Variants in FAM135B observed in about 807,000 individuals in gnomAD.
FAM135B encodes protein FAM135B.
In FAM135B, 43 loss-of-function variants were observed where a neutral mutation model predicts 127.7. The observed-to-expected ratio is 0.34, with a 90% CI of 0.26 to 0.43. FAM135B has a LOEUF of 0.43. FAM135B is among the 20% of genes least tolerant of loss of function. The pLI is 1.00. For missense variants in FAM135B, 1,558 were observed against 1,725.6 expected (o/e 0.90, Z 1.72); for synonymous variants, 670 against 665.1 (o/e 1.01, Z -0.11).
chr8:138,360,671 A>C (rs1830363002), intron 2 of FAM135B, among the ~76,000 whole-genome samples: 1 of 152,212 alleles, frequency 6.6e-6, no homozygotes, highest in African/African-American at 2.4e-5. Flanking sequence ...TTACCTCGGG[A>C]ACTTTAGCAA....
intron 5 of FAM135B, among the ~76,000 whole-genome samples, chr8:138,255,283 G>A (rs982499852): frequency 5.9e-5 from 9 of 152,188 alleles, no homozygotes; most frequent in Admixed American, 4.6e-4. Context: ...AGGAAAAGGG[G>A]AAACATTTGT....
At chr8:138,147,957 C>T (rs1224909391) in intron 14 of FAM135B, among the ~76,000 whole-genome samples, 1 of 152,032 alleles carries the variant, frequency 6.6e-6, no homozygotes, top group Non-Finnish European at 1.5e-5. Context: ...TAGCAAAGTC[C>T]CTGGTATACA....
intron 3 of FAM135B, among the ~76,000 whole-genome samples, chr8:138,283,255 T>C (rs959575755): frequency 6.6e-6 from 1 of 152,020 alleles, no homozygotes; most frequent in Non-Finnish European, 1.5e-5. Context: ...GGTACGTCCA[T>C]ACAATGGAAT....
At chr8:138,443,200 T>A (rs1192317302) in intron 1 of FAM135B, among the ~76,000 whole-genome samples, 2 of 152,142 alleles carry the variant, frequency 1.3e-5, no homozygotes, top group East Asian at 3.9e-4. Flanking sequence ...TAAAGCAGAT[T>A]TTATCAATCC....
chr8:138,368,377 C>G (rs974635452), intron 1 of FAM135B, among the ~76,000 whole-genome samples: 2 of 152,160 alleles, frequency 1.3e-5, no homozygotes, highest in African/African-American at 4.8e-5. Flanking sequence ...TGACCTTGAG[C>G]AAGTCACTTA....
intron 2 of FAM135B, among the ~76,000 whole-genome samples, chr8:138,335,847 T>C (rs1305971670): frequency 5.3e-5 from 8 of 152,172 alleles, no homozygotes; most frequent in African/African-American, 1.4e-4. Flanking sequence ...ATTGACCACA[T>C]AGTTGGAAGT....
rs1221428489 is a variant in FAM135B, at chr8:138,483,597, CAAT to C, written c.-20+13071_-20+13073del. Among the ~76,000 whole-genome samples the C allele has an allele frequency of 2.6e-5, 4 of 152,240 alleles. No individual in the cohort carries two copies. In the East Asian group the frequency reaches 7.7e-4, roughly 29 times the overall value. On this transcript the variant is annotated intron_variant, in intron 1 of 19. Transcript: ENST00000395297. ...GAGAGAGGGAGAGAGACAGGAGAGG[CAAT>C]AATATCATATTGTGCTAAAATTATA...
chr8:138,144,093 T>C (rs187247384), intron 15 of FAM135B, among the ~76,000 whole-genome samples: 150 of 152,296 alleles, frequency 9.8e-4, no homozygotes, highest in African/African-American at 3.4e-3. Flanking sequence ...TACAGGGGGA[T>C]AGTGTCACCA....
chr8:138,423,967 G>C (rs751294979), intron 1 of FAM135B, among the ~76,000 whole-genome samples: 44 of 152,286 alleles, frequency 2.9e-4, no homozygotes, highest in Non-Finnish European at 5.6e-4. Flanking sequence ...TGAAAGAAGA[G>C]AAATATGGCT....
intron 1 of FAM135B, among the ~76,000 whole-genome samples, chr8:138,412,705 G>A (rs1833931480): frequency 6.6e-6 from 1 of 152,196 alleles, no homozygotes; most frequent in Non-Finnish European, 1.5e-5. Context: ...TGGAACAATG[G>A]ATAATACATG....
At chr8:138,339,358 AATATATATATAT>A (rs143774221) in intron 2 of FAM135B, among the ~76,000 whole-genome samples, 6 of 147,712 alleles carry the variant, frequency 4.1e-5, no homozygotes, top group Admixed American at 4.0e-4. Flanking sequence ...AAACTAACTA[AATATATATATAT>A]ATATATATAT....
intron 2 of FAM135B, among the ~76,000 whole-genome samples, chr8:138,323,384 T>A (rs1587090221): frequency 6.6e-6 from 1 of 152,146 alleles, no homozygotes; most frequent in Non-Finnish European, 1.5e-5. Flanking sequence ...CATGACCCCC[T>A]CTTGGCTAAT....
chr8:138,353,906 C>A (rs1829928938), intron 2 of FAM135B, among the ~76,000 whole-genome samples: 2 of 152,118 alleles, frequency 1.3e-5, no homozygotes, highest in Non-Finnish European at 2.9e-5. Context: ...GCCTTTAGAC[C>A]TATAAACTCA....
In FAM135B at chr8:138,254,362, G is replaced by T. The variant is rs369840243; in HGVS notation, c.368+2327C>A. ...TGACTTATCACATGGAGGGCAGGTT[G>T]GAGGCTGATTTCTAGGCTGAGCTTG... On this transcript the variant is annotated intron_variant, in intron 5 of 19. Coordinates refer to ENST00000395297, the MANE Select transcript of FAM135B (RefSeq NM_015912.4). Among the ~76,000 whole-genome samples the T allele has an allele frequency of 5.9e-5, 9 of 152,302 alleles. No homozygotes were observed. The East Asian group carries it at 7.7e-4, about 13-fold the overall frequency.
intron 12 of FAM135B, 31 bp from the exon 13 acceptor site, chr8:138,153,247 A>G: frequency 6.8e-7 from 1 of 1,461,416 alleles, no homozygotes; most frequent in Non-Finnish European, 9.2e-7. Context: ...AAATTATATT[A>G]TAGTGTAAGA....
At position 138,265,720 on chromosome 8, in the gene FAM135B, G is replaced by C. The variant is rs1822863272; in HGVS notation, c.280C>G (p.Leu94Val). ...NDAVVFRVHLLLGGERMEDAL... is the reference protein window; with the variant it reads ...NDAVVFRVHLVLGGERMEDAL... Reference sequence around the variant, plus strand: ...TGACTTACCCTTTCACCACCCAAGAGTAAATGAACTCGGAAGACCACAGCA... The same window carrying C: ...TGACTTACCCTTTCACCACCCAAGACTAAATGAACTCGGAAGACCACAGCA... Residue 94 changes from leucine to valine, a missense_variant, in exon 4 of 20, where the codon CTC becomes GTC. Coordinates refer to ENST00000395297, the MANE Select transcript of FAM135B (RefSeq NM_015912.4). 6.2e-7 allele frequency: 1 copy of C among 1,614,068 alleles called. No individual in the cohort carries two copies. Among genetic ancestry groups the C allele is most frequent in the South Asian group, 1.1e-5 (1 of 91,064 alleles).
At chr8:138,379,341 GTAGTGA>G (rs66465130) in intron 1 of FAM135B, among the ~76,000 whole-genome samples, 3,355 of 152,074 alleles carry the variant, frequency 0.022, 46 homozygotes, top group Non-Finnish European at 0.034. Flanking sequence ...TATCTACTTA[GTAGTGA>G]TTCACTTTTG....
intron 7 of FAM135B, among the ~76,000 whole-genome samples, chr8:138,216,892 C>T (rs1472055873): frequency 2.0e-5 from 3 of 152,178 alleles, no homozygotes; most frequent in Non-Finnish European, 4.4e-5. Context: ...CATGAGGACA[C>T]ATAATAAGTA....
At chr8:138,268,599 C>A (rs939259298) in intron 3 of FAM135B, among the ~76,000 whole-genome samples, 1 of 152,156 alleles carries the variant, frequency 6.6e-6, no homozygotes, top group Non-Finnish European at 1.5e-5. Context: ...CTGCTTCATT[C>A]CCATTGGGAT....
Sources: gnomAD v4.1 joint callset for allele counts (sites outside exome capture counted in the v4.1 genomes callset) on GRCh38, gnomAD v4.1.1 for gene constraint, MANE v1.5 for transcripts, NCBI Gene and HGNC (gene_info 2026-07-23, HGNC 2026-07-21) for gene names.